HMX1: variants seen among roughly 807,000 people sequenced by gnomAD.
HMX1 encodes the protein homeobox protein HMX1.
A neutral mutation model predicts 8.9 loss-of-function variants in HMX1; 8 were observed. That is an observed-to-expected ratio of 0.90 (90% CI 0.53 to 1.63). HMX1 has a LOEUF of 1.63. HMX1 is among the 40% of genes most tolerant of loss of function. The pLI is 0.00. For missense variants in HMX1, 621 were observed against 558.5 expected, an observed-to-expected ratio of 1.11 and a Z score of -1.13; for synonymous variants, 311 against 283.4, an observed-to-expected ratio of 1.10 and a Z score of -0.98.
intron 1 of HMX1, among the ~76,000 whole-genome samples, chr4:8,846,870 T>C (rs963895379): frequency 2.0e-5 from 3 of 152,226 alleles, no homozygotes; most frequent in Admixed American, 6.5e-5. Flanking sequence ...CTGAAAATAA[T>C]TGGCCCTTCC....
intron 1 of HMX1, among the ~76,000 whole-genome samples, chr4:8,860,328 G>C (rs1041396740): frequency 7.2e-5 from 11 of 152,256 alleles, no homozygotes; most frequent in African/African-American, 2.7e-4. Context: ...AGGTGCTCCG[G>C]GTCATGGTGG....
chr4:8,861,770 G>A (rs576661867), intron 1 of HMX1, among the ~76,000 whole-genome samples: 1 of 152,360 alleles, frequency 6.6e-6, no homozygotes, highest in African/African-American at 2.4e-5. Flanking sequence ...CAGAGCCCCG[G>A]GATCAAGGCG....
Position 8,868,158 on chromosome 4 carries a change from G to T in HMX1, c.582C>A (p.Gly194=), listed in dbSNP as rs1560184211. ...EVPAAAGETR[G]GVGVGGGRKK... ...TTCGGCCGCCGCCCACGCCAACGCC[G>T]CCGCGTGTCTCCCCAGCCGCCGCAG... is the stretch of plus-strand genomic sequence containing the variant. The change falls in exon 2 of 2, where the codon GGC becomes GGA. Residue 194 remains glycine (G), a synonymous_variant. Coordinates refer to ENST00000400677, the MANE Select transcript of HMX1 (RefSeq NM_018942.3). This position sits in a 1 kb window ranked among gnomAD's most constrained non-coding sequence, Gnocchi z 4.6. 1 of 1,502,650 alleles carries T rather than the reference G, an allele frequency of 6.7e-7. No homozygotes were observed. The highest frequency in any genetic ancestry group is 8.8e-7 in the Non-Finnish European group (1 of 1,131,328). 93.1% of individuals were successfully genotyped at this position (1,502,650 alleles called of 1,614,324 possible). A position where few individuals can be genotyped will look rare whatever the true frequency, so the allele number is the denominator to read the frequency against.
exon 2 of HMX1, chr4:8,846,124 G>T (rs1392963504): frequency 1.4e-6 from 1 of 718,252 alleles, no homozygotes; most frequent in Admixed American, 2.4e-5. Flanking sequence ...AGTGCCCCCT[G>T]TGGGAACACT....
Position 8,867,448 on chromosome 4 carries a change from C to G in HMX1, c.*245G>C. On this transcript the variant is annotated 3_prime_UTR_variant, in exon 2 of 2. Coordinates refer to ENST00000400677, the MANE Select transcript of HMX1 (RefSeq NM_018942.3). The stretch of plus-strand genomic sequence containing the variant: ...CCGGGGGCTGCGCAGCCCAGAGTCT[C>G]TGCATGGCCCCCTGTTCGAGTGGGG... 5 of 1,120,368 alleles carry G rather than the reference C, an allele frequency of 4.5e-6. No homozygotes were observed. The highest frequency in any genetic ancestry group is 5.4e-6 in the Non-Finnish European group (5 of 917,604). 69.4% of individuals were successfully genotyped at this position (1,120,368 alleles called of 1,614,324 possible).
intron 1 of HMX1, among the ~76,000 whole-genome samples, chr4:8,857,812 C>CCCCTTG (rs1721662484): frequency 6.6e-6 from 1 of 152,180 alleles, no homozygotes; most frequent in Admixed American, 6.5e-5. Flanking sequence ...CCCTCCTCCT[C>CCCCTTG]CCCTTGCCCT....
Position 8,867,986 on chromosome 4 carries a change from G to C in HMX1, c.754C>G (p.Gln252Glu). Residue 252 changes from glutamine to glutamate, a missense_variant, in exon 2 of 2, where the codon CAG (glutamine) becomes GAG (glutamate). Coordinates refer to ENST00000400677, the MANE Select transcript of HMX1 (RefSeq NM_018942.3). ...LTETQVKIWF[Q>E]NRRNKWKRQL... Reference sequence around the variant, plus strand: ...CGCTTCCACTTGTTGCGGCGGTTCTGGAACCAGATCTTAACCTGCGTCTCG... The same window carrying C: ...CGCTTCCACTTGTTGCGGCGGTTCTCGAACCAGATCTTAACCTGCGTCTCG... 1 of 1,535,934 alleles carries C rather than the reference G, an allele frequency of 6.5e-7. No individual in the cohort carries two copies. Among genetic ancestry groups the C allele is most frequent in the Non-Finnish European group, 8.8e-7 (1 of 1,140,812 alleles).
Position 8,867,872 on chromosome 4 carries a change from G to A in HMX1, c.868C>T (p.Pro290Ser), listed in dbSNP as rs770080827. 4 of 1,270,744 alleles carry A rather than the reference G, an allele frequency of 3.1e-6. No homozygotes were observed. Among genetic ancestry groups the A allele is most frequent in the South Asian group, 2.8e-5 (1 of 35,758 alleles). The allele number at this position is 1,270,744 out of a possible 1,614,324, so 78.7% of individuals were successfully genotyped here. A position where few individuals can be genotyped will look rare whatever the true frequency, so the allele number is the denominator to read the frequency against. Residue 290 changes from proline (P) to serine (S), a missense_variant, in exon 2 of 2, where the codon CCC becomes TCC. Physicochemically the swap from Pro to Ser is moderately conservative, Grantham distance 74. Transcript: ENST00000400677. ...VRVPVLYHESPPAAAAAGPPA... is the reference protein window; with the variant it reads ...VRVPVLYHESSPAAAAAGPPA... ...GGCCCAGCGGCGGCTGCGGCCGGGG[G>A]GCTTTCGTGGTAGAGCACCGGCACG...
In HMX1 at chr4:8,852,162, CAT is replaced by C. The variant is rs1721470625; in HGVS notation, c.395-5840_395-5839del. On this transcript the variant is annotated intron_variant, in intron 1 of 1. Transcript: ENST00000506970. ...ACCCTGCATTCAATGGGCAATCACT[CAT>C]GTTATTTTGGGTAACAGACCTTGGG... 2.0e-5 allele frequency among the ~76,000 whole-genome samples: 3 copies of C among 152,352 alleles called. No homozygotes were observed. The South Asian group carries it at 6.2e-4, about 32-fold the overall frequency.
intron 1 of HMX1, among the ~76,000 whole-genome samples, chr4:8,859,608 C>A (rs1721729613): frequency 1.3e-5 from 2 of 152,164 alleles, no homozygotes; most frequent in South Asian, 4.1e-4. Flanking sequence ...TCACCCAGAC[C>A]AGGGGTGAGC....
Position 8,867,635 on chromosome 4 carries a change from G to C in HMX1, c.*58C>G, listed in dbSNP as rs1722048029. 31 of 1,210,386 alleles carry C rather than the reference G, an allele frequency of 2.6e-5. No homozygotes were observed. Among genetic ancestry groups the C allele is most frequent in the Non-Finnish European group, 3.2e-5 (31 of 973,632 alleles). 75.0% of individuals were successfully genotyped at this position (1,210,386 alleles called of 1,614,324 possible). ...CCCCCTGAGCCCTGCGCCTGCCGCTGAATCGCGCGTCCACACAGGTCCACA... is the reference window on the plus strand; with the variant it reads ...CCCCCTGAGCCCTGCGCCTGCCGCTCAATCGCGCGTCCACACAGGTCCACA... On this transcript the variant is annotated 3_prime_UTR_variant, in exon 2 of 2. Coordinates refer to ENST00000400677, the MANE Select transcript of HMX1 (RefSeq NM_018942.3).
chr4:8,857,456 G>A (rs928994544), intron 1 of HMX1, among the ~76,000 whole-genome samples: 1 of 152,208 alleles, frequency 6.6e-6, no homozygotes, highest in Non-Finnish European at 1.5e-5. Flanking sequence ...CTTCCCTGCT[G>A]CGCCGGGCCT....
Position 8,867,611 on chromosome 4 carries a change from C to T in HMX1, c.*82G>A, listed in dbSNP as rs1474068169. 1.2e-5 allele frequency: 14 copies of T among 1,195,808 alleles called. No individual in the cohort carries two copies. Among genetic ancestry groups the T allele is most frequent in the South Asian group, 4.2e-5 (1 of 23,800 alleles). The allele number at this position is 1,195,808 out of a possible 1,614,324, so 74.1% of individuals were successfully genotyped here. ...GGAGCGACCATCCCTTCCCTAACGCCCCCTGAGCCCTGCGCCTGCCGCTGA... is the reference window on the plus strand; with the variant it reads ...GGAGCGACCATCCCTTCCCTAACGCTCCCTGAGCCCTGCGCCTGCCGCTGA... On this transcript the variant is annotated 3_prime_UTR_variant, in exon 2 of 2. Coordinates refer to ENST00000400677, the MANE Select transcript of HMX1 (RefSeq NM_018942.3).
rs147575215 is a variant in HMX1, at chr4:8,870,292, C to G, written c.394+929G>C. ...CTTTCCTGGCCTTCCTCCCAGGGGT[C>G]TTCCTAAAGGGCAGGTACAAAAGGG... On this transcript the variant is annotated intron_variant, in intron 1 of 1. Coordinates refer to ENST00000400677, the MANE Select transcript of HMX1 (RefSeq NM_018942.3). The surrounding 1 kb of genome is among the most constrained non-coding windows in gnomAD (Gnocchi z 4.4). Among the ~76,000 whole-genome samples, 3,176 of 151,956 alleles carry G rather than the reference C, an allele frequency of 0.021. 115 individuals are homozygous for G. The highest frequency in any genetic ancestry group is 0.072 in the African/African-American group (2,991 of 41,402).
rs1487305537 is a variant in HMX1, at chr4:8,867,806, C to T, written c.934G>A (p.Ala312Thr). The T allele has an allele frequency of 6.5e-6, 8 of 1,225,654 alleles. No individual in the cohort carries two copies. The highest frequency in any genetic ancestry group is 8.7e-5 in the Admixed American group (2 of 23,036). The allele number at this position is 1,225,654 out of a possible 1,614,324, so 75.9% of individuals were successfully genotyped here. ...AAGCCGAGCAGCGGTGGGGGCGGCGCGGGCGCGGCGGGCGCCAGCGGGAAG... is the reference window on the plus strand; with the variant it reads ...AAGCCGAGCAGCGGTGGGGGCGGCGTGGGCGCGGCGGGCGCCAGCGGGAAG... ...LPFPLAPAAP[A>T]PPPPLLGFSG... Residue 312 changes from alanine (A) to threonine (T), a missense_variant, in exon 2 of 2, where the codon GCG (alanine) becomes ACG (threonine). Coordinates refer to ENST00000400677, the MANE Select transcript of HMX1 (RefSeq NM_018942.3).
At chr4:8,857,791 C>T (rs1247521759) in intron 1 of HMX1, among the ~76,000 whole-genome samples, 1 of 152,144 alleles carries the variant, frequency 6.6e-6, no homozygotes, top group Non-Finnish European at 1.5e-5. Flanking sequence ...TCCCAAACTG[C>T]CGCAGCCCCT....
At chr4:8,867,000 C>A, downstream of HMX1, 1 of 897,326 alleles carries the variant, frequency 1.1e-6, no homozygotes, top group Non-Finnish European at 1.3e-6. Flanking sequence ...CGGCACCCAG[C>A]GCAGCTTGAG....
intron 1 of HMX1, among the ~76,000 whole-genome samples, chr4:8,854,864 A>C (rs145740671): frequency 0.042 from 6,327 of 152,294 alleles, 155 homozygotes; most frequent in South Asian, 0.081. Flanking sequence ...ACAGGGAGGG[A>C]TTCATTCTAC....
rs1395122003 is a variant in HMX1, at chr4:8,871,320, G to T, written c.295C>A (p.Pro99Thr). The T allele has an allele frequency of 1.5e-6, 2 of 1,376,616 alleles. No individual in the cohort carries two copies. Among genetic ancestry groups the T allele is most frequent in the Non-Finnish European group, 1.9e-6 (2 of 1,072,878 alleles). 85.3% of individuals were successfully genotyped at this position (1,376,616 alleles called of 1,614,324 possible). Reference protein sequence around the residue: ...PGALGLGPRPPPGPGPPFALG... With the variant: ...PGALGLGPRPTPGPGPPFALG... ...GCGAAGGGCGGCCCGGGACCGGGGG[G>T]CGGCCGAGGACCGAGGCCCAGCGCG... The change falls in exon 1 of 2, where the codon CCC becomes ACC. Residue 99 changes from proline (P) to threonine (T), a missense_variant. Pro to Thr is a conservative substitution (Grantham distance 38). Coordinates refer to ENST00000400677, the MANE Select transcript of HMX1 (RefSeq NM_018942.3). This position sits in a 1 kb window ranked among gnomAD's most constrained non-coding sequence, Gnocchi z 4.8.
Sources: allele counts gnomAD v4.1 joint callset (sites outside exome capture counted in the v4.1 genomes callset), GRCh38; gene constraint gnomAD v4.1.1; non-coding constraint Gnocchi (gnomAD v3.1); transcripts MANE v1.5; gene names NCBI Gene and HGNC (gene_info 2026-07-23, HGNC 2026-07-21).